The following MAPK9 variants were observed in gnomAD, a reference collection of about 807,000 sequenced individuals.
MAPK9 encodes mitogen-activated protein kinase 9.
In MAPK9, 30 loss-of-function variants were observed where a neutral mutation model predicts 57.1. The ratio of observed to expected loss-of-function variants is 0.53; its 90% CI spans 0.39 to 0.71. The LOEUF (loss-of-function observed/expected upper bound fraction) is 0.71. MAPK9 is among the 30% of genes least tolerant of loss of function. The pLI is 0.00. For missense variants in MAPK9, 362 were observed against 521.0 expected (o/e 0.69, Z 2.97); for synonymous variants, 155 against 177.0 (o/e 0.88, Z 0.99).
chr5:180,265,464 C>T (rs1023491765), intron 3 of MAPK9, among the ~76,000 whole-genome samples: 2 of 152,212 alleles, frequency 1.3e-5, no homozygotes, highest in Admixed American at 6.5e-5. Flanking sequence ...AGTGAGTTCT[C>T]AGGAGACCTG....
rs1757791912 is a variant in MAPK9, at chr5:180,243,128, C to A, written c.689-373G>T. Reference sequence around the variant, plus strand: ...AAATCAGTTTTCATACTAATGCTACCTTAGATTCATTCACAGCTCTCTAAA... The same window carrying A: ...AAATCAGTTTTCATACTAATGCTACATTAGATTCATTCACAGCTCTCTAAA... On this transcript the variant is annotated intron_variant, in intron 7 of 11. Transcript: ENST00000452135. Among the ~76,000 whole-genome samples, 4 of 152,114 alleles carry A rather than the reference C, an allele frequency of 2.6e-5. No individual in the cohort carries two copies. The South Asian group carries it at 8.3e-4, about 32-fold the overall frequency.
intron 3 of MAPK9, among the ~76,000 whole-genome samples, chr5:180,267,602 G>A (rs1039202538): frequency 9.3e-5 from 14 of 150,268 alleles, no homozygotes; most frequent in African/African-American, 3.2e-4. Context: ...AATAAAGCAT[G>A]CATTAGAGAA....
intron 5 of MAPK9, among the ~76,000 whole-genome samples, chr5:180,259,313 C>A (rs1326504980): frequency 6.6e-6 from 1 of 151,758 alleles, no homozygotes; most frequent in African/African-American, 2.4e-5. Flanking sequence ...GTGGTCAAGT[C>A]TTCAGACATT....
intron 2 of MAPK9, among the ~76,000 whole-genome samples, chr5:180,279,083 G>A (rs918672925): frequency 2.0e-5 from 3 of 150,318 alleles, no homozygotes; most frequent in East Asian, 2.0e-4. Context: ...TCAGCCTCCC[G>A]AGTAGCTGGG....
At chr5:180,291,135 G>C (rs936856428) in intron 1 of MAPK9, among the ~76,000 whole-genome samples, 9 of 148,276 alleles carry the variant, frequency 6.1e-5, no homozygotes, top group Non-Finnish European at 1.2e-4. Context: ...CAAATGCAAA[G>C]GTCCTGGGGC....
intron 7 of MAPK9, chr5:180,246,197 T>A (rs1189476963): frequency 1.8e-4 from 27 of 152,336 alleles, no homozygotes; most frequent in South Asian, 6.2e-4. Context: ...TTATTAGTCT[T>A]TTAATTTTTC....
Position 180,247,259 on chromosome 5 carries a change from G to A in MAPK9, c.688+180C>T. ...CACAGGTAGTCAAGTTAAAAATAAA[G>A]AATGAAATTGAACCACTTGGCTTGT... On this transcript the variant is annotated intron_variant, in intron 7 of 11. Coordinates refer to ENST00000452135, the MANE Select transcript of MAPK9 (RefSeq NM_002752.5). The surrounding 1 kb of genome is among the most constrained non-coding windows in gnomAD (Gnocchi z 4.5). The A allele has an allele frequency of 1.6e-6, 1 of 628,748 alleles. No homozygotes were observed. The highest frequency in any genetic ancestry group is 2.1e-5 in the South Asian group (1 of 48,608). 38.9% of individuals were successfully genotyped at this position (628,748 alleles called of 1,614,324 possible).
intron 2 of MAPK9, among the ~76,000 whole-genome samples, chr5:180,276,174 T>A (rs1211417157): frequency 6.6e-6 from 1 of 152,230 alleles, no homozygotes; most frequent in Non-Finnish European, 1.5e-5. Context: ...TTGTGAACAT[T>A]GTTATGTTTT....
rs755317290 is a variant in MAPK9, at chr5:180,285,801, G to A, written c.-47-5193C>T. Among the ~76,000 whole-genome samples, 14 of 151,902 alleles carry A rather than the reference G, an allele frequency of 9.2e-5. No homozygotes were observed. In the East Asian group the frequency reaches 2.3e-3, roughly 25 times the overall value. ...TAATAATAATAGTAAAAATCTGGCCGGGTGCGGTGGCTCACACCTGTAATC... is the reference window on the plus strand; with the variant it reads ...TAATAATAATAGTAAAAATCTGGCCAGGTGCGGTGGCTCACACCTGTAATC... On this transcript the variant is annotated intron_variant, in intron 1 of 11. Transcript: ENST00000452135.
chr5:180,249,128 G>A lies in MAPK9; in HGVS notation c.461C>T (p.Pro154Leu). The stretch of plus-strand genomic sequence containing the variant: ...GTCTGATTTCACAACAATGTTGCTA[G>A]GCTTCAAATCCTAGGAAAGAAATGG... Reference protein sequence around the residue: ...SAGIIHRDLKPSNIVVKSDCT... With the variant: ...SAGIIHRDLKLSNIVVKSDCT... The change falls in exon 6 of 12, where the codon CCT becomes CTT. Residue 154 changes from proline to leucine, a missense_variant. Around this residue, in one of 3 missense-constraint regions of MAPK9, gnomAD observed 127 missense variants for 231.7 expected, o/e 0.55. Transcript: ENST00000452135. The A allele has an allele frequency of 6.2e-7, 1 of 1,606,748 alleles. No homozygotes were observed. Among genetic ancestry groups the A allele is most frequent in the Non-Finnish European group, 8.5e-7 (1 of 1,177,042 alleles).
chr5:180,263,253 A>G (rs1006260585), intron 4 of MAPK9, among the ~76,000 whole-genome samples: 2 of 151,948 alleles, frequency 1.3e-5, no homozygotes, highest in Non-Finnish European at 2.9e-5. Flanking sequence ...CATCTCATCT[A>G]TCAGCTAATA....
At chr5:180,252,096 G>A (rs1342880112) in intron 5 of MAPK9, among the ~76,000 whole-genome samples, 1 of 152,162 alleles carries the variant, frequency 6.6e-6, no homozygotes, top group Non-Finnish European at 1.5e-5. Flanking sequence ...GTGGGGTCAG[G>A]GGTCAGGGGT....
chr5:180,241,209 C>T, intron 8 of MAPK9, 54 bp from the exon 9 acceptor site: 4 of 1,516,964 alleles, frequency 2.6e-6, no homozygotes, highest in Non-Finnish European at 3.6e-6. Context: ...CAAACAGAAT[C>T]ATACAATAAA....
intron 1 of MAPK9, among the ~76,000 whole-genome samples, chr5:180,290,289 C>A (rs1329142041): frequency 6.6e-6 from 1 of 152,218 alleles, no homozygotes; most frequent in Admixed American, 6.5e-5. Context: ...CCTTCCTTGG[C>A]CCTGCTCCTT....
In MAPK9 at chr5:180,236,132, C is replaced by T. The variant is rs548448755; in HGVS notation, c.*252G>A. The T allele has an allele frequency of 3.1e-6, 1 of 322,314 alleles. No homozygotes were observed. Among genetic ancestry groups the T allele is most frequent in the East Asian group, 5.2e-5 (1 of 19,084 alleles). 20.0% of individuals were successfully genotyped at this position (322,314 alleles called of 1,614,324 possible). Reference sequence around the variant, plus strand: ...ACAATTTGAAACAAATTCACCTACTCTAACTGCTCACCTGAAATGATCTTG... The same window carrying T: ...ACAATTTGAAACAAATTCACCTACTTTAACTGCTCACCTGAAATGATCTTG... On this transcript the variant is annotated 3_prime_UTR_variant, in exon 12 of 12. Transcript: ENST00000452135.
intron 2 of MAPK9, among the ~76,000 whole-genome samples, chr5:180,271,899 T>C (rs1052645610): frequency 5.9e-5 from 9 of 152,352 alleles, no homozygotes; most frequent in African/African-American, 2.2e-4. Flanking sequence ...TTCTAATAAA[T>C]AATAGATTTT....
chr5:180,271,092 T>C (rs970058536), intron 2 of MAPK9, among the ~76,000 whole-genome samples: 2 of 152,224 alleles, frequency 1.3e-5, no homozygotes, highest in Admixed American at 6.5e-5. Context: ...GTAATGCATA[T>C]GTTAATTCGC....
chr5:180,249,451 C>G (rs1045750615), intron 5 of MAPK9, among the ~76,000 whole-genome samples: 1 of 152,132 alleles, frequency 6.6e-6, no homozygotes, highest in African/African-American at 2.4e-5. Flanking sequence ...CACATGCCCC[C>G]CTCCCGCTCT....
chr5:180,256,789 A>C (rs961052302), intron 5 of MAPK9, among the ~76,000 whole-genome samples: 1 of 152,220 alleles, frequency 6.6e-6, no homozygotes, highest in Non-Finnish European at 1.5e-5. Flanking sequence ...CAGTGACAGG[A>C]GGCCATTGTT....
Sources: allele counts gnomAD v4.1 joint callset (sites outside exome capture counted in the v4.1 genomes callset), GRCh38; gene constraint gnomAD v4.1.1; regional missense constraint gnomAD v4.1.1; non-coding constraint Gnocchi (gnomAD v3.1); transcripts MANE v1.5; gene names NCBI Gene and HGNC (gene_info 2026-07-23, HGNC 2026-07-21).